The following E2F3 variants were observed in gnomAD, a reference collection of about 807,000 sequenced individuals.
E2F3 encodes transcription factor E2F3.
In E2F3, 11 loss-of-function variants were observed where a neutral mutation model predicts 44.4. The ratio of observed to expected loss-of-function variants is 0.25; its 90% CI spans 0.16 to 0.41. The LOEUF (loss-of-function observed/expected upper bound fraction) is 0.41. Among genes scored for constraint, E2F3 ranks in the 10% least tolerant of loss-of-function variants. E2F3 has a pLI of 1.00. For synonymous variants in E2F3, 249 were observed against 253.0 expected (o/e 0.98, Z 0.15); for missense variants, 487 against 583.6 (o/e 0.83, Z 1.70).
chr6:20,465,183 AG>A (rs1347619737), intron 1 of E2F3, among the ~76,000 whole-genome samples: 1 of 152,218 alleles, frequency 6.6e-6, no homozygotes, highest in Non-Finnish European at 1.5e-5. Flanking sequence ...GGTACCCAGC[AG>A]GGGACTGGGC....
chr6:20,403,536 C>G, intron 1 of E2F3: 1 of 417,982 alleles, frequency 2.4e-6, no homozygotes, highest in Non-Finnish European at 4.3e-6. Context: ...GTTTCGCACA[C>G]GTGCGCGCAG....
chr6:20,453,792 C>T (rs1406025993), intron 1 of E2F3, among the ~76,000 whole-genome samples: 1 of 152,214 alleles, frequency 6.6e-6, no homozygotes, highest in African/African-American at 2.4e-5. Flanking sequence ...GAAGTGCCAC[C>T]ATTATAAAGT....
intron 1 of E2F3, among the ~76,000 whole-genome samples, chr6:20,440,543 G>A (rs767224168): frequency 6.6e-6 from 1 of 152,116 alleles, no homozygotes; most frequent in African/African-American, 2.4e-5. Context: ...AGGCTTTTTG[G>A]TAGGAAGTCA....
chr6:20,440,502 C>G (rs992025808), intron 1 of E2F3, among the ~76,000 whole-genome samples: 1 of 152,164 alleles, frequency 6.6e-6, no homozygotes, highest in African/African-American at 2.4e-5. Context: ...CGATTCTGTA[C>G]ATGGGAGTCT....
intron 1 of E2F3, among the ~76,000 whole-genome samples, chr6:20,464,406 T>G (rs1477654599): frequency 6.6e-6 from 1 of 152,148 alleles, no homozygotes; most frequent in Non-Finnish European, 1.5e-5. Flanking sequence ...GGTAGCATGA[T>G]CTCTTATAAA....
In E2F3 at chr6:20,486,589, A is replaced by G. The variant is rs4134964; in HGVS notation, c.885-100A>G. On this transcript the variant is annotated intron_variant, in intron 4 of 6. Coordinates refer to ENST00000346618, the MANE Select transcript of E2F3 (RefSeq NM_001949.5). ...GCCCGGCCACATATGCATACTTCTA[A>G]GTCATAAAATACTTTAAAATATTCC... 7.5e-4 allele frequency: 536 copies of G among 713,590 alleles called. 2 individuals are homozygous for G. The highest frequency in any genetic ancestry group is 8.7e-4 in the Non-Finnish European group (369 of 425,114). 44.2% of individuals were successfully genotyped at this position (713,590 alleles called of 1,614,324 possible). A position where few individuals can be genotyped will look rare whatever the true frequency, so the allele number is the denominator to read the frequency against.
In E2F3 at chr6:20,402,341, G is replaced by A. The variant is rs2127581224; in HGVS notation, c.109G>A (p.Ala37Thr). 1 of 1,609,960 alleles carries A rather than the reference G, an allele frequency of 6.2e-7. No individual in the cohort carries two copies. Among genetic ancestry groups the A allele is most frequent in the Non-Finnish European group, 8.5e-7 (1 of 1,178,776 alleles). ...AAAAASMDKR[A>T]LLASPGFAAA... is the part of the protein sequence containing the mutation. The stretch of plus-strand genomic sequence containing the variant: ...CGCTGCAGCCTCCATGGACAAAAGG[G>A]CACTGCTAGCCAGCCCCGGCTTCGC... The change falls in exon 1 of 7, where the codon GCA (alanine) becomes ACA (threonine). Residue 37 changes from alanine to threonine, a missense_variant. Physicochemically the swap from Ala to Thr is moderately conservative, Grantham distance 58. Coordinates refer to ENST00000346618, the MANE Select transcript of E2F3 (RefSeq NM_001949.5). The surrounding 1 kb of genome is among the most constrained non-coding windows in gnomAD (Gnocchi z 5.6).
chr6:20,403,892 G>A, intron 1 of E2F3: 2 of 1,096,308 alleles, frequency 1.8e-6, no homozygotes, highest in Non-Finnish European at 1.3e-6. Flanking sequence ...ATTCTGTTGG[G>A]GGCTGAAGCG....
chr6:20,415,946 A>G (rs531736106), intron 1 of E2F3, among the ~76,000 whole-genome samples: 18 of 152,372 alleles, frequency 1.2e-4, no homozygotes, highest in Non-Finnish European at 2.1e-4. Context: ...CTTTCTGCTC[A>G]GGGTCAACTT....
intron 1 of E2F3, among the ~76,000 whole-genome samples, chr6:20,427,972 T>G (rs1760270461): frequency 6.6e-6 from 1 of 152,158 alleles, no homozygotes; most frequent in African/African-American, 2.4e-5. Flanking sequence ...CCAAGGGACT[T>G]TGGTCCCTCT....
rs369637402 is a variant in E2F3, at chr6:20,481,218, C to A, written c.518C>A (p.Pro173His). The stretch of plus-strand genomic sequence containing the variant: ...GTTTTTCTTTAAGCTCCAAAATCTC[C>A]CTCAGAAAAAACGCGGTATGATACG... ...SPDSPKTPKS[P>H]SEKTRYDTSL... The change falls in exon 3 of 7, where the codon CCC (proline) becomes CAC (histidine). Residue 173 changes from proline (P) to histidine (H), a missense_variant. Pro to His is a moderately conservative substitution (Grantham distance 77, BLOSUM62 -2). Transcript: ENST00000346618. 6.2e-7 allele frequency: 1 copy of A among 1,613,650 alleles called. No individual in the cohort carries two copies. The highest frequency in any genetic ancestry group is 1.3e-5 in the African/African-American group (1 of 74,878).
intron 1 of E2F3, among the ~76,000 whole-genome samples, chr6:20,418,476 A>C (rs1210343498): frequency 1.3e-5 from 2 of 152,192 alleles, no homozygotes; most frequent in African/African-American, 4.8e-5. Context: ...GTCTAGCCCT[A>C]AACTGTGCAG....
In E2F3 at chr6:20,481,322, G is replaced by C; in HGVS notation, c.622G>C (p.Ala208Pro). The change falls in exon 3 of 7, where the codon GCA becomes CCA. Residue 208 changes from alanine (A) to proline (P), a missense_variant. Ala to Pro is a conservative substitution (Grantham distance 27, BLOSUM62 -1). Around this residue, in one of 3 missense-constraint regions of E2F3, gnomAD observed 29 missense variants for 85.9 expected, o/e 0.34. Transcript: ENST00000346618. ...TGGGGTATTGGATTTGAACAAGGCAGCAGAAGTGCTAAAAGTGCAAAAGAG... is the reference window on the plus strand; with the variant it reads ...TGGGGTATTGGATTTGAACAAGGCACCAGAAGTGCTAAAAGTGCAAAAGAG... ...PDGVLDLNKAAEVLKVQKRRI... is the reference protein window; with the variant it reads ...PDGVLDLNKAPEVLKVQKRRI... 1 of 1,614,158 alleles carries C rather than the reference G, an allele frequency of 6.2e-7. No individual in the cohort carries two copies. The highest frequency in any genetic ancestry group is 8.5e-7 in the Non-Finnish European group (1 of 1,180,038).
intron 1 of E2F3, among the ~76,000 whole-genome samples, chr6:20,467,645 A>G (rs1416508288): frequency 1.3e-5 from 2 of 152,088 alleles, no homozygotes; most frequent in Non-Finnish European, 2.9e-5. Context: ...TGAAGCATAG[A>G]TTGACTGAAA....
At chr6:20,432,253 A>C (rs874449) in intron 1 of E2F3, among the ~76,000 whole-genome samples, 10,593 of 152,200 alleles carry the variant, frequency 0.07, 920 homozygotes, top group African/African-American at 0.21. Flanking sequence ...TCCATCTTGT[A>C]TAGAACTCAC....
At chr6:20,421,559 T>G (rs1484410566) in intron 1 of E2F3, 1 of 152,242 alleles carries the variant, frequency 6.6e-6, no homozygotes, top group Non-Finnish European at 1.5e-5. Flanking sequence ...AGGAATCTTT[T>G]TTTCTGAGCA....
intron 4 of E2F3, among the ~76,000 whole-genome samples, chr6:20,485,909 G>A (rs1008166969): frequency 2.6e-5 from 4 of 152,042 alleles, no homozygotes; most frequent in African/African-American, 9.7e-5. Flanking sequence ...GCTGACACTT[G>A]CTTGTAGATA....
intron 1 of E2F3, among the ~76,000 whole-genome samples, chr6:20,466,269 C>T (rs571640519): frequency 3.7e-4 from 56 of 152,202 alleles, no homozygotes; most frequent in African/African-American, 1.2e-3. Flanking sequence ...CACACCACCA[C>T]GCCCGGCTAC....
intron 1 of E2F3, among the ~76,000 whole-genome samples, chr6:20,420,500 G>C (rs1364355413): frequency 1.3e-5 from 2 of 151,948 alleles, no homozygotes; most frequent in Non-Finnish European, 1.5e-5. Context: ...GATATTGCAG[G>C]TCTGATTCCA....
Sources: allele counts gnomAD v4.1 joint callset (sites outside exome capture counted in the v4.1 genomes callset), GRCh38; gene constraint gnomAD v4.1.1; regional missense constraint gnomAD v4.1.1; non-coding constraint Gnocchi (gnomAD v3.1); transcripts MANE v1.5; gene names NCBI Gene and HGNC (gene_info 2026-07-23, HGNC 2026-07-21).